UMODL1: variants seen among roughly 807,000 people sequenced by gnomAD.
The protein encoded by UMODL1 is uromodulin like 1, also known as uromodulin-like 1.
In UMODL1, 128 loss-of-function variants were observed where a neutral mutation model predicts 136.3. The observed-to-expected ratio is 0.94, with a 90% CI of 0.81 to 1.09. The LOEUF (loss-of-function observed/expected upper bound fraction) is 1.09, where lower values mean the gene tolerates loss of function less well. UMODL1 is among the 50% of genes least tolerant of loss of function. The pLI, the probability that UMODL1 is intolerant of heterozygous loss-of-function variation, is 0.00. For synonymous variants in UMODL1, 721 were observed against 720.0 expected, an observed-to-expected ratio of 1.00 and a Z score of -0.02; for missense variants, 1,766 against 1,725.6, an observed-to-expected ratio of 1.02 and a Z score of -0.41.
At position 42,129,750 on chromosome 21, in the gene UMODL1, C is replaced by G. The variant is rs1465869094; in HGVS notation, c.3728C>G (p.Thr1243Ser). ...NNFRLLQNSE[T>S]SATHQMSWGP... Reference sequence around the variant, plus strand: ...TTTCGGTTGCTGCAAAATAGTGAAACCTCTGCCACACACCAGATGTCCTGG... The same window carrying G: ...TTTCGGTTGCTGCAAAATAGTGAAAGCTCTGCCACACACCAGATGTCCTGG... Residue 1243 changes from threonine to serine, a missense_variant, in exon 21 of 23, where the codon ACC becomes AGC. By Grantham distance (58) the Thr-to-Ser change is moderately conservative. Coordinates refer to ENST00000408910, the MANE Select transcript of UMODL1 (RefSeq NM_001004416.3). 4 of 1,590,900 alleles carry G rather than the reference C, an allele frequency of 2.5e-6. No homozygotes were observed. Among genetic ancestry groups the G allele is most frequent in the Non-Finnish European group, 3.4e-6 (4 of 1,171,324 alleles).
chr21:42,088,782 G>A (rs1355392567), intron 5 of UMODL1, among the ~76,000 whole-genome samples: 2 of 148,174 alleles, frequency 1.3e-5, no homozygotes, highest in Non-Finnish European at 3.0e-5. Context: ...CTGCCCCCTC[G>A]GCAGGCTTCT....
In UMODL1 at chr21:42,137,640, AGGTGGGTGC is replaced by A; in HGVS notation, c.*21+2_*21+10del. The A allele has an allele frequency of 9.0e-7, 1 of 1,115,424 alleles. No individual in the cohort carries two copies. The highest frequency in any genetic ancestry group is 1.2e-6 in the Non-Finnish European group (1 of 842,046). 69.1% of individuals were successfully genotyped at this position (1,115,424 alleles called of 1,614,324 possible). On this transcript the variant is annotated splice_donor_variant and splice_donor_5th_base_variant and 3_prime_UTR_variant and intron_variant, in exon 22 of 23. Coordinates refer to ENST00000408910, the MANE Select transcript of UMODL1 (RefSeq NM_001004416.3). LOFTEE classifies it low-confidence loss of function (3UTR_SPLICE). ...GAATAGGAGGCGCAGGCTGACAGGA[AGGTGGGTGC>A]GGAGTGGGGTGGGAGGTGCAGGCTG...
intron 1 of UMODL1, among the ~76,000 whole-genome samples, chr21:42,071,794 C>A (rs962823990): frequency 6.6e-6 from 1 of 151,420 alleles, no homozygotes; most frequent in Non-Finnish European, 1.5e-5. Flanking sequence ...GAAAGGTCTC[C>A]TGAACCTTGG....
intron 9 of UMODL1, among the ~76,000 whole-genome samples, chr21:42,106,765 T>C (rs1201400561): frequency 6.6e-6 from 1 of 152,166 alleles, no homozygotes; most frequent in Non-Finnish European, 1.5e-5. Flanking sequence ...GCGGAACGGG[T>C]TGGAATCCCA....
chr21:42,101,438 ACT>A (rs1466168193), intron 7 of UMODL1, among the ~76,000 whole-genome samples: 1 of 152,016 alleles, frequency 6.6e-6, no homozygotes, highest in Non-Finnish European at 1.5e-5. Context: ...TAGGTGACAC[ACT>A]CTGATGGCCC....
At position 42,137,432 on chromosome 21, in the gene UMODL1, C is replaced by G; in HGVS notation, c.3776-7C>G. The G allele has an allele frequency of 1.2e-6, 2 of 1,613,894 alleles. No individual in the cohort carries two copies. Among genetic ancestry groups the G allele is most frequent in the Non-Finnish European group, 1.7e-6 (2 of 1,179,914 alleles). ...GATCTCTCACCTGTGCCTGTCTCCT[C>G]CCCGAGGTGAGCCTCCTCATGCAGA... On this transcript the variant is annotated splice_polypyrimidine_tract_variant and splice_region_variant and intron_variant, in intron 21 of 22. Coordinates refer to ENST00000408910, the MANE Select transcript of UMODL1 (RefSeq NM_001004416.3).
intron 4 of UMODL1, among the ~76,000 whole-genome samples, chr21:42,088,053 A>G (rs1351979730): frequency 6.6e-6 from 1 of 152,210 alleles, no homozygotes; most frequent in Non-Finnish European, 1.5e-5. Context: ...ACTTCAACAT[A>G]TGGATTTTAG....
chr21:42,117,865 G>A (rs1033228871), intron 14 of UMODL1, among the ~76,000 whole-genome samples: 3 of 152,198 alleles, frequency 2.0e-5, no homozygotes, highest in African/African-American at 4.8e-5. Context: ...AGGCAGCTCC[G>A]TTTCCTTCCC....
At chr21:42,095,584 A>T (rs1449586303) in intron 6 of UMODL1, among the ~76,000 whole-genome samples, 1 of 152,204 alleles carries the variant, frequency 6.6e-6, no homozygotes, top group Non-Finnish European at 1.5e-5. Context: ...TACTTCACTG[A>T]ATCACATCTG....
chr21:42,066,855 T>C (rs8132467), upstream of UMODL1, among the ~76,000 whole-genome samples: 18,454 of 152,290 alleles, frequency 0.12, 1,970 homozygotes, highest in African/African-American at 0.29. Flanking sequence ...TGCAGTCTCT[T>C]AGCCATTGCT....
intron 4 of UMODL1, among the ~76,000 whole-genome samples, chr21:42,087,146 C>T (rs1345476180): frequency 3.3e-5 from 5 of 152,228 alleles, no homozygotes; most frequent in East Asian, 1.9e-4. Context: ...GCTGTCTCCT[C>T]GTGCATGTAG....
intron 9 of UMODL1, 41 bp downstream of exon 9, chr21:42,104,128 G>A: frequency 6.4e-7 from 1 of 1,568,334 alleles, no homozygotes; most frequent in Non-Finnish European, 8.7e-7. Flanking sequence ...GTGTCCTCCA[G>A]CTCAGAAATC....
intron 3 of UMODL1, among the ~76,000 whole-genome samples, chr21:42,084,913 G>T (rs2066408106): frequency 6.6e-6 from 1 of 151,142 alleles, no homozygotes; most frequent in Admixed American, 6.6e-5. Context: ...AATATTTGTA[G>T]TATCAATAAA....
In UMODL1 at chr21:42,140,697, A is replaced by C. The variant is rs796479459; in HGVS notation, c.*22-1399A>C. Reference sequence around the variant, plus strand: ...ACACCAGGTGTCCCAGTTGAGAGGCAGCAACTGTTGTGGTTACAGGGAAGG... The same window carrying C: ...ACACCAGGTGTCCCAGTTGAGAGGCCGCAACTGTTGTGGTTACAGGGAAGG... On this transcript the variant is annotated intron_variant, in intron 22 of 22. Coordinates refer to ENST00000408910, the MANE Select transcript of UMODL1 (RefSeq NM_001004416.3). Among the ~76,000 whole-genome samples the C allele has an allele frequency of 3.9e-5, 4 of 101,384 alleles. 1 individual carries two copies. Among genetic ancestry groups the C allele is most frequent in the African/African-American group, 1.3e-4 (4 of 30,676 alleles). The allele number at this position is 101,384 out of a possible 152,430, so 66.5% of individuals were successfully genotyped here.
intron 8 of UMODL1, 33 bp from the exon 9 acceptor site, chr21:42,103,835 G>C: frequency 1.2e-6 from 2 of 1,612,702 alleles, no homozygotes; most frequent in Admixed American, 1.7e-5. Flanking sequence ...TGAAGACGTT[G>C]ATGGATGTCT....
chr21:42,139,658 G>A (rs76214079), intron 22 of UMODL1, among the ~76,000 whole-genome samples: 27,834 of 151,804 alleles, frequency 0.18, 2,597 homozygotes, highest in South Asian at 0.3. Flanking sequence ...ACCCAGCACC[G>A]ACCCACCAGA....
chr21:42,109,438 A>G (rs377277442), intron 9 of UMODL1, 124 bp from the exon 10 acceptor site: 20 of 1,345,306 alleles, frequency 1.5e-5, no homozygotes, highest in Non-Finnish European at 2.1e-5. Context: ...ATGCCCCAAA[A>G]TGCCCCTGCT....
intron 21 of UMODL1, among the ~76,000 whole-genome samples, chr21:42,131,756 A>ACT (rs57124775): frequency 0.12 from 17,672 of 152,176 alleles, 1,086 homozygotes; most frequent in East Asian, 0.22. Flanking sequence ...AGGCCTACAC[A>ACT]CAGAATCTCT....
intron 21 of UMODL1, among the ~76,000 whole-genome samples, chr21:42,135,400 G>T (rs1394184357): frequency 1.3e-5 from 2 of 152,220 alleles, no homozygotes; most frequent in Non-Finnish European, 2.9e-5. Flanking sequence ...CTGAGCTAGT[G>T]GTTCAGTTCG....
Sources: gnomAD v4.1 joint callset for allele counts (sites outside exome capture counted in the v4.1 genomes callset) on GRCh38, gnomAD v4.1.1 for gene constraint, MANE v1.5 for transcripts, NCBI Gene and HGNC (gene_info 2026-07-23, HGNC 2026-07-21) for gene names.